LRMDA: variants seen among roughly 807,000 people sequenced by gnomAD.
LRMDA encodes leucine-rich melanocyte differentiation-associated protein.
A neutral mutation model predicts 29.8 loss-of-function variants in LRMDA; 18 were observed. The ratio of observed to expected loss-of-function variants is 0.60; its 90% confidence interval spans 0.42 to 0.90. The LOEUF is 0.90. Among genes scored for constraint, LRMDA ranks in the 40% least tolerant of loss-of-function variants. LRMDA has a pLI of 0.00. For missense variants in LRMDA, 273 were observed against 273.9 expected, an observed-to-expected ratio of 1.00 and a Z score of 0.02; for synonymous variants, 125 against 109.4, an observed-to-expected ratio of 1.14 and a Z score of -0.89.
chr10:76,436,267 G>A (rs1370854800), intron 6 of LRMDA, among the ~76,000 whole-genome samples: 1 of 152,192 alleles, frequency 6.6e-6, no homozygotes, highest in Non-Finnish European at 1.5e-5. Context: ...AATAAATGCA[G>A]AGTCATTAAT....
At chr10:75,590,380 A>G (rs1840708085) in intron 2 of LRMDA, among the ~76,000 whole-genome samples, 1 of 152,050 alleles carries the variant, frequency 6.6e-6, no homozygotes, top group South Asian at 2.1e-4. Context: ...TGGATTTTTC[A>G]TTATGGTAAA....
intron 2 of LRMDA, among the ~76,000 whole-genome samples, chr10:75,586,277 T>G (rs1840653673): frequency 6.6e-6 from 1 of 151,316 alleles, no homozygotes; most frequent in African/African-American, 2.4e-5. Context: ...CCATAGAAGC[T>G]ATACAGTTTT....
intron 4 of LRMDA, among the ~76,000 whole-genome samples, chr10:76,056,690 T>C (rs1304255526): frequency 6.6e-6 from 1 of 152,234 alleles, no homozygotes; most frequent in Non-Finnish European, 1.5e-5. Context: ...GCCGCCACTT[T>C]GCTCCAAAAT....
chr10:75,605,972 C>A (rs1216085059), intron 2 of LRMDA, among the ~76,000 whole-genome samples: 2 of 152,190 alleles, frequency 1.3e-5, no homozygotes, highest in Non-Finnish European at 1.5e-5. Context: ...CTCTTCCTAC[C>A]TTGGGCTCCC....
At chr10:76,204,214 A>C (rs1851491993) in intron 5 of LRMDA, among the ~76,000 whole-genome samples, 1 of 136,458 alleles carries the variant, frequency 7.3e-6, no homozygotes, top group African/African-American at 2.9e-5. Flanking sequence ...GTGCCTGTCC[A>C]CCCATCTCTA....
At chr10:76,287,142 A>G (rs1407517) in intron 5 of LRMDA, among the ~76,000 whole-genome samples, 76,642 of 151,926 alleles carry the variant, frequency 0.5, 19,643 homozygotes, top group African/African-American at 0.6. Context: ...GATTTCTTTT[A>G]TCTGAAACCT....
chr10:75,720,286 C>T (rs1026332644), intron 2 of LRMDA, among the ~76,000 whole-genome samples: 19 of 152,138 alleles, frequency 1.2e-4, no homozygotes, highest in East Asian at 9.6e-4. Flanking sequence ...CGTGGCATTA[C>T]GGAGAGAACA....
At chr10:75,919,879 G>A (rs16932709) in intron 2 of LRMDA, among the ~76,000 whole-genome samples, 12,220 of 152,036 alleles carry the variant, frequency 0.08, 950 homozygotes, top group East Asian at 0.22. Flanking sequence ...TCTCTGACAC[G>A]TCCGAGTAGG....
chr10:76,163,392 G>A (rs182121260), intron 5 of LRMDA, among the ~76,000 whole-genome samples: 3 of 152,220 alleles, frequency 2.0e-5, no homozygotes, highest in Non-Finnish European at 4.4e-5. Context: ...CTTAACATGA[G>A]TCCCAGGCAG....
At chr10:76,234,562 C>T (rs1240153889) in intron 5 of LRMDA, among the ~76,000 whole-genome samples, 1 of 152,204 alleles carries the variant, frequency 6.6e-6, no homozygotes, top group African/African-American at 2.4e-5. Context: ...CATCTTCTTC[C>T]CATGTAAGGC....
chr10:75,472,035 T>C (rs1589153463), intron 2 of LRMDA, among the ~76,000 whole-genome samples: 1 of 152,142 alleles, frequency 6.6e-6, no homozygotes. Flanking sequence ...CCAGGTCTCT[T>C]TTTACCCACC....
chr10:76,486,893 G>T (rs1238115898), intron 6 of LRMDA, among the ~76,000 whole-genome samples: 1 of 151,878 alleles, frequency 6.6e-6, no homozygotes, highest in Non-Finnish European at 1.5e-5. Flanking sequence ...GAAGAGAAGG[G>T]AAAAGTGAAT....
intron 6 of LRMDA, among the ~76,000 whole-genome samples, chr10:76,352,820 C>T (rs1841193692): frequency 6.6e-6 from 1 of 151,882 alleles, no homozygotes; most frequent in Non-Finnish European, 1.5e-5. Flanking sequence ...GAATCAGGGA[C>T]AGGGGAGGTG....
intron 2 of LRMDA, among the ~76,000 whole-genome samples, chr10:75,851,932 G>A (rs986465587): frequency 2.6e-5 from 4 of 152,170 alleles, no homozygotes; most frequent in Non-Finnish European, 5.9e-5. Context: ...AAACGAAGAA[G>A]GTCCCTTCGG....
At chr10:75,761,543 G>A (rs899451598) in intron 2 of LRMDA, among the ~76,000 whole-genome samples, 8 of 152,118 alleles carry the variant, frequency 5.3e-5, no homozygotes, top group South Asian at 2.1e-4. Flanking sequence ...ACAGGGAAAC[G>A]GGGACTTACT....
At chr10:76,359,992 T>C (rs191477153) in intron 6 of LRMDA, among the ~76,000 whole-genome samples, 2 of 152,188 alleles carry the variant, frequency 1.3e-5, no homozygotes, top group East Asian at 3.9e-4. Flanking sequence ...TCTTTTTCTT[T>C]TGTTTTTTTT....
At chr10:76,003,702 G>A (rs374915698) in intron 2 of LRMDA, among the ~76,000 whole-genome samples, 6 of 152,202 alleles carry the variant, frequency 3.9e-5, no homozygotes, top group South Asian at 2.1e-4. Flanking sequence ...GGGTGTTGAA[G>A]GACAAAAAGA....
At chr10:75,692,244 A>G (rs1375617158) in intron 2 of LRMDA, among the ~76,000 whole-genome samples, 1 of 141,080 alleles carries the variant, frequency 7.1e-6, no homozygotes, top group Non-Finnish European at 1.5e-5. Flanking sequence ...ATATATATAT[A>G]TATACATATA....
At chr10:75,772,877 G>GGGGGGGGGC (rs1554824994) in intron 2 of LRMDA, among the ~76,000 whole-genome samples, 1 of 125,156 alleles carries the variant, frequency 8.0e-6, no homozygotes, top group Admixed American at 8.6e-5. Context: ...GATGGGGGGG[G>GGGGGGGGGC]GCAGATTAAT....
Sources: gnomAD v4.1 joint callset for allele counts (sites outside exome capture counted in the v4.1 genomes callset) on GRCh38, gnomAD v4.1.1 for gene constraint, MANE v1.5 for transcripts, NCBI Gene and HGNC (gene_info 2026-07-23, HGNC 2026-07-21) for gene names.